PCDHA2: variants seen among roughly 807,000 people sequenced by gnomAD.
The protein encoded by PCDHA2 is protocadherin alpha 2.
PCDHA2 carries 58 observed loss-of-function variants against 66.0 expected under a neutral mutation model. The observed-to-expected ratio is 0.88, with a 90% CI of 0.71 to 1.09. PCDHA2 has a LOEUF of 1.09. Among genes scored for constraint, PCDHA2 ranks in the 50% least tolerant of loss-of-function variants. The pLI is 0.00. For synonymous variants in PCDHA2, 634 were observed against 554.0 expected, an observed-to-expected ratio of 1.14 and a Z score of -2.03; for missense variants, 1,267 against 1,242.3, an observed-to-expected ratio of 1.02 and a Z score of -0.30.
chr5:140,938,025 C>A (rs1431326044), intron 1 of PCDHA2, among the ~76,000 whole-genome samples: 5 of 151,978 alleles, frequency 3.3e-5, no homozygotes, highest in Non-Finnish European at 7.4e-5. Context: ...AGTAAAATCT[C>A]ATATTTTTAT....
At chr5:140,982,202 G>A (rs2096970508) in intron 2 of PCDHA2, 2 of 405,606 alleles carry the variant, frequency 4.9e-6, no homozygotes, top group Non-Finnish European at 8.1e-6. Context: ...GTTAGATTTA[G>A]TGAGCGCCAC....
chr5:140,956,177 A>G (rs1261759530), intron 1 of PCDHA2, among the ~76,000 whole-genome samples: 6 of 152,192 alleles, frequency 3.9e-5, no homozygotes, highest in Non-Finnish European at 8.8e-5. Flanking sequence ...AGAACTTCCA[A>G]TACTATGCTG....
chr5:140,842,944 C>A (rs1165034372), intron 1 of PCDHA2: 1 of 1,594,432 alleles, frequency 6.3e-7, no homozygotes, highest in African/African-American at 1.3e-5. Flanking sequence ...GCGACGCGGG[C>A]GTGCCGCCTC....
chr5:140,882,453 G>A, intron 1 of PCDHA2: 3 of 1,614,042 alleles, frequency 1.9e-6, no homozygotes, highest in Non-Finnish European at 2.5e-6. Flanking sequence ...CTGGTGCCGC[G>A]CCTGTTCCGG....
chr5:140,893,528 G>C (rs541953324), intron 1 of PCDHA2, among the ~76,000 whole-genome samples: 2 of 152,254 alleles, frequency 1.3e-5, no homozygotes, highest in Admixed American at 6.5e-5. Context: ...ACTCCTTTAA[G>C]TATTTCTTGT....
chr5:140,897,052 C>G (rs2065858358), intron 1 of PCDHA2, among the ~76,000 whole-genome samples: 1 of 152,114 alleles, frequency 6.6e-6, no homozygotes, highest in Non-Finnish European at 1.5e-5. Context: ...ATTCTGCTGT[C>G]AAATACTATG....
chr5:140,869,428 A>T, intron 1 of PCDHA2: 1 of 1,614,214 alleles, frequency 6.2e-7, no homozygotes, highest in Non-Finnish European at 8.5e-7. Context: ...CCTGGAGGTG[A>T]TCGTGGACAG....
intron 1 of PCDHA2, among the ~76,000 whole-genome samples, chr5:140,905,357 A>G (rs1280254509): frequency 1.3e-5 from 2 of 152,052 alleles, no homozygotes; most frequent in African/African-American, 4.8e-5. Flanking sequence ...GTATTTGACT[A>G]TATTTCTGGT....
At chr5:140,852,072 G>A in intron 1 of PCDHA2, 2 of 903,554 alleles carry the variant, frequency 2.2e-6, no homozygotes, top group Non-Finnish European at 2.7e-6. Context: ...TTCTCTTTCA[G>A]CTATTTTATT....
At chr5:140,920,835 C>T (rs1253933771) in intron 1 of PCDHA2, among the ~76,000 whole-genome samples, 1 of 141,740 alleles carries the variant, frequency 7.1e-6, no homozygotes, top group Non-Finnish European at 1.5e-5. Flanking sequence ...GGAGCAAGAC[C>T]AAATCTAAAA....
chr5:140,803,920 T>C, intron 1 of PCDHA2: 7 of 488,680 alleles, frequency 1.4e-5, no homozygotes, highest in Non-Finnish European at 2.2e-5. Flanking sequence ...CTTCGACTTG[T>C]TTTATACTTA....
At chr5:140,862,566 T>G in intron 1 of PCDHA2, 4 of 478,186 alleles carry the variant, frequency 8.4e-6, no homozygotes, top group South Asian at 4.9e-5. Context: ...TGAACCACAA[T>G]GCCCTGGCGT....
chr5:140,826,816 T>A (rs1769068230), intron 1 of PCDHA2, among the ~76,000 whole-genome samples: 1 of 152,138 alleles, frequency 6.6e-6, no homozygotes. Context: ...TGTGATTACA[T>A]ATTAGGTTAC....
chr5:140,927,508 C>T lies in PCDHA2; in HGVS notation c.2389-51441C>T, dbSNP rs551245842. On this transcript the variant is annotated intron_variant, in intron 1 of 3. Coordinates refer to ENST00000526136, the MANE Select transcript of PCDHA2 (RefSeq NM_018905.3). The stretch of plus-strand genomic sequence containing the variant: ...CACCCACCTGCTGGTGCTTACAGCT[C>T]GGGACGGCGGGCTACCTGCCCGCTC... The T allele has an allele frequency of 9.9e-6, 16 of 1,614,074 alleles. No individual in the cohort carries two copies. In the South Asian group the frequency reaches 1.4e-4, roughly 14 times the overall value.
chr5:140,801,344 G>T (rs1388952872), intron 1 of PCDHA2: 2 of 1,613,318 alleles, frequency 1.2e-6, no homozygotes, highest in Non-Finnish European at 1.7e-6. Context: ...GCCGCATCGC[G>T]CAGGACCTGG....
intron 3 of PCDHA2, among the ~76,000 whole-genome samples, chr5:141,006,484 A>T (rs1028996250): frequency 9.9e-5 from 15 of 152,130 alleles, no homozygotes; most frequent in Non-Finnish European, 7.4e-5. Flanking sequence ...AAGTGCTGGG[A>T]TTACATGTGT....
At chr5:140,915,503 G>T (rs1420993234) in intron 1 of PCDHA2, among the ~76,000 whole-genome samples, 1 of 152,062 alleles carries the variant, frequency 6.6e-6, no homozygotes, top group Non-Finnish European at 1.5e-5. Flanking sequence ...TAATACTGTG[G>T]TTTTTGCAGA....
intron 1 of PCDHA2, chr5:140,927,106 A>G: frequency 6.2e-7 from 1 of 1,613,678 alleles, no homozygotes; most frequent in Non-Finnish European, 8.5e-7. Context: ...GGATCTACCC[A>G]GCGGCAATTT....
intron 3 of PCDHA2, among the ~76,000 whole-genome samples, chr5:141,008,057 C>T (rs1472919496): frequency 3.9e-5 from 6 of 152,020 alleles, no homozygotes; most frequent in African/African-American, 1.2e-4. Context: ...GGGGTCCAGT[C>T]CATCTAAGAA....
Sources: allele counts gnomAD v4.1 joint callset (sites outside exome capture counted in the v4.1 genomes callset), GRCh38; gene constraint gnomAD v4.1.1; transcripts MANE v1.5; gene names NCBI Gene and HGNC (gene_info 2026-07-23, HGNC 2026-07-21).